Variants in RICTOR observed in about 807,000 individuals in gnomAD.
RICTOR encodes the protein RPTOR independent companion of MTOR complex 2.
A neutral mutation model predicts 214.9 loss-of-function variants in RICTOR; 49 were observed. The ratio of observed to expected loss-of-function variants is 0.23; its 90% CI spans 0.18 to 0.29. The LOEUF (loss-of-function observed/expected upper bound fraction) is 0.29. RICTOR is among the 10% of genes least tolerant of loss of function. The pLI, the probability that RICTOR is intolerant of heterozygous loss-of-function variation, is 1.00. For synonymous variants in RICTOR, 717 were observed against 711.3 expected (o/e 1.01, Z -0.13); for missense variants, 1,625 against 2,047.0 (o/e 0.79, Z 3.98).
chr5:38,939,167 G>C lies in RICTOR; in HGVS notation c.*3137C>G, dbSNP rs1242671834. The C allele has an allele frequency of 8.6e-6, 2 of 232,792 alleles. No individual in the cohort carries two copies. The highest frequency in any genetic ancestry group is 5.6e-5 in the Admixed American group (1 of 17,760). The allele number at this position is 232,792 out of a possible 1,614,324, so 14.4% of individuals were successfully genotyped here. On this transcript the variant is annotated 3_prime_UTR_variant, in exon 38 of 38. Coordinates refer to ENST00000357387, the MANE Select transcript of RICTOR (RefSeq NM_152756.5). ...TGGGGATAAAAGGCATCCTCTGAAT[G>C]GAATAACATTTTATATAAATAGCAG...
intron 2 of RICTOR, among the ~76,000 whole-genome samples, chr5:39,051,627 G>A (rs113600648): frequency 5.9e-5 from 9 of 152,000 alleles, no homozygotes; most frequent in East Asian, 1.9e-4. Flanking sequence ...AGTGGTGGGC[G>A]CCTGTAATCC....
At chr5:39,047,522 G>A (rs1317278790) in intron 2 of RICTOR, among the ~76,000 whole-genome samples, 1 of 152,172 alleles carries the variant, frequency 6.6e-6, no homozygotes, top group Non-Finnish European at 1.5e-5. Context: ...CCCTGCTTTA[G>A]TTCATGTATT....
At position 38,943,158 on chromosome 5, in the gene RICTOR, GT is replaced by G. The variant is rs5867438; in HGVS notation, c.4914-188del. On this transcript the variant is annotated intron_variant, in intron 36 of 37. Transcript: ENST00000357387. ...ACACACTTAGACATTCTGAGTTTGGGTTTTTTTTTAAAAAAAATGATTATCA... is the reference window on the plus strand; with the variant it reads ...ACACACTTAGACATTCTGAGTTTGGGTTTTTTTTAAAAAAAATGATTATCA... The G allele has an allele frequency of 1.6e-3, 615 of 383,940 alleles. 7 individuals are homozygous for G. The highest frequency in any genetic ancestry group is 0.012 in the African/African-American group (572 of 48,214). 23.8% of individuals were successfully genotyped at this position (383,940 alleles called of 1,614,324 possible).
At chr5:38,960,072 T>C in intron 20 of RICTOR, 94 bp from the exon 21 acceptor site, 1 of 873,464 alleles carries the variant, frequency 1.1e-6, no homozygotes, top group South Asian at 1.4e-5. Flanking sequence ...TTACTAATAA[T>C]GATGAAGTTA....
In RICTOR at chr5:39,010,227, C is replaced by T. The variant is rs1754398640; in HGVS notation, c.196-6605G>A. Among the ~76,000 whole-genome samples the T allele has an allele frequency of 2.0e-5, 3 of 152,158 alleles. No homozygotes were observed. In the South Asian group the frequency reaches 6.2e-4, roughly 32 times the overall value. On this transcript the variant is annotated intron_variant, in intron 3 of 37. Transcript: ENST00000357387. Reference sequence around the variant, plus strand: ...GAGAGGCTTCCCCCTTTTCTAGGCACTCATTTTCCCTCCTGCTGCCATGTG... The same window carrying T: ...GAGAGGCTTCCCCCTTTTCTAGGCATTCATTTTCCCTCCTGCTGCCATGTG...
At chr5:38,957,139 A>C (rs375312757) in intron 25 of RICTOR, among the ~76,000 whole-genome samples, 1 of 152,162 alleles carries the variant, frequency 6.6e-6, no homozygotes, top group Non-Finnish European at 1.5e-5. Flanking sequence ...AAGTTGTTTC[A>C]TATCTTCAAA....
chr5:38,990,092 A>G lies in RICTOR; in HGVS notation c.583+857T>C, dbSNP rs118109259. Among the ~76,000 whole-genome samples the G allele has an allele frequency of 6.2e-4, 94 of 152,304 alleles. No individual in the cohort carries two copies. The East Asian group carries it at 0.017, about 28-fold the overall frequency. Reference sequence around the variant, plus strand: ...AATACAAAAGGTTTGGAACCACCTCAAATGCCCATCAGTGATAGACTGGAT... The same window carrying G: ...AATACAAAAGGTTTGGAACCACCTCGAATGCCCATCAGTGATAGACTGGAT... On this transcript the variant is annotated intron_variant, in intron 7 of 37. Coordinates refer to ENST00000357387, the MANE Select transcript of RICTOR (RefSeq NM_152756.5).
chr5:38,990,716 A>ATCATATATC (rs760128991), intron 7 of RICTOR, among the ~76,000 whole-genome samples: 1 of 22,656 alleles, frequency 4.4e-5, no homozygotes, highest in Non-Finnish European at 8.0e-5. Flanking sequence ...TATGATATAT[A>ATCATATATC]TGATATATAT....
intron 3 of RICTOR, among the ~76,000 whole-genome samples, chr5:39,019,908 G>T (rs1388869830): frequency 6.6e-6 from 1 of 152,164 alleles, no homozygotes; most frequent in Non-Finnish European, 1.5e-5. Flanking sequence ...GAACATTCCT[G>T]ATTCATGGGA....
Position 39,013,127 on chromosome 5 carries a change from CA to C in RICTOR, c.195+7911del, listed in dbSNP as rs753696273. Among the ~76,000 whole-genome samples the C allele has an allele frequency of 7.9e-5, 12 of 152,108 alleles. No homozygotes were observed. In the East Asian group the frequency reaches 2.1e-3, roughly 27 times the overall value. ...CATTTGATATTCCTAATTATGTACA[CA>C]AAAAATTTCTTTATATTTTAGCTAA... On this transcript the variant is annotated intron_variant, in intron 3 of 37. Transcript: ENST00000357387.
chr5:38,941,570 T>G lies in RICTOR; in HGVS notation c.*734A>C, dbSNP rs1298120050. The G allele has an allele frequency of 4.3e-6, 1 of 231,170 alleles. No homozygotes were observed. The highest frequency in any genetic ancestry group is 8.6e-6 in the Non-Finnish European group (1 of 116,748). 14.3% of individuals were successfully genotyped at this position (231,170 alleles called of 1,614,324 possible). A position where few individuals can be genotyped will look rare whatever the true frequency, so the allele number is the denominator to read the frequency against. Reference sequence around the variant, plus strand: ...ATTTTTAATTAAAATAAAAAATGATTTTTAAATTTTATTCAAGAACTGTAG... The same window carrying G: ...ATTTTTAATTAAAATAAAAAATGATGTTTAAATTTTATTCAAGAACTGTAG... On this transcript the variant is annotated 3_prime_UTR_variant, in exon 38 of 38. Transcript: ENST00000357387.
intron 3 of RICTOR, among the ~76,000 whole-genome samples, chr5:39,007,462 C>T (rs2150114568): frequency 6.6e-6 from 1 of 152,212 alleles, no homozygotes; most frequent in East Asian, 1.9e-4. Flanking sequence ...CAGTCACATT[C>T]TGAGGTATTG....
At chr5:39,041,198 C>T (rs1757140549) in intron 2 of RICTOR, among the ~76,000 whole-genome samples, 1 of 152,102 alleles carries the variant, frequency 6.6e-6, no homozygotes, top group Non-Finnish European at 1.5e-5. Flanking sequence ...ATAAGCAATA[C>T]ATCTTGTAGG....
At chr5:39,067,801 T>C (rs1224577855) in intron 2 of RICTOR, among the ~76,000 whole-genome samples, 2 of 152,218 alleles carry the variant, frequency 1.3e-5, no homozygotes, top group Non-Finnish European at 2.9e-5. Context: ...ATCAATTTCA[T>C]TGTCCCTTAG....
chr5:38,960,606 G>T, intron 19 of RICTOR, 73 bp from the exon 20 acceptor site: 1 of 1,431,078 alleles, frequency 7.0e-7, no homozygotes, highest in Non-Finnish European at 9.8e-7. Context: ...CATTACTTAT[G>T]ACATAATAAG....
intron 34 of RICTOR, 135 bp from the exon 35 acceptor site, chr5:38,945,203 CT>C (rs1748058252): frequency 5.8e-6 from 4 of 691,570 alleles, no homozygotes; most frequent in African/African-American, 3.6e-5. Context: ...ACTTCCAAAA[CT>C]TTTTTCCTCA....
In RICTOR at chr5:38,990,839, T is replaced by TATG. The variant is rs1214086194; in HGVS notation, c.583+107_583+109dup. ...TATGAGATATATGATATATGAGATA[T>TATG]ATGAGATATATGATATATATATGAT... On this transcript the variant is annotated intron_variant, in intron 7 of 37. Coordinates refer to ENST00000357387, the MANE Select transcript of RICTOR (RefSeq NM_152756.5). The TATG allele has an allele frequency of 1.7e-4, 45 of 270,384 alleles. 1 individual carries two copies. The highest frequency in any genetic ancestry group is 2.5e-4 in the Non-Finnish European group (41 of 166,868). 16.7% of individuals were successfully genotyped at this position (270,384 alleles called of 1,614,324 possible). A position where few individuals can be genotyped will look rare whatever the true frequency, so the allele number is the denominator to read the frequency against.
chr5:38,985,689 C>A (rs2150068876), intron 7 of RICTOR, among the ~76,000 whole-genome samples: 1 of 151,884 alleles, frequency 6.6e-6, no homozygotes, highest in South Asian at 2.1e-4. Context: ...GCCTTTGCAC[C>A]TACAATTCTA....
chr5:39,070,829 G>A (rs1759268864), intron 2 of RICTOR, among the ~76,000 whole-genome samples: 1 of 152,164 alleles, frequency 6.6e-6, no homozygotes, highest in Non-Finnish European at 1.5e-5. Flanking sequence ...CAAATGGCGA[G>A]AGGAAGCATT....
Sources: allele counts gnomAD v4.1 joint callset (sites outside exome capture counted in the v4.1 genomes callset), GRCh38; gene constraint gnomAD v4.1.1; transcripts MANE v1.5; gene names NCBI Gene and HGNC (gene_info 2026-07-23, HGNC 2026-07-21).